RPL31: variants seen among roughly 807,000 people sequenced by gnomAD.
RPL31 encodes the protein ribosomal protein L31.
For missense variants in RPL31, 95 were observed against 164.0 expected, an observed-to-expected ratio of 0.58 and a Z score of 2.30; for synonymous variants, 51 against 55.0, an observed-to-expected ratio of 0.93 and a Z score of 0.32.
downstream of RPL31, chr2:101,010,879 CT>C (rs1354796197): frequency 2.2e-6 from 3 of 1,358,636 alleles, no homozygotes; most frequent in African/African-American, 4.6e-5. Flanking sequence ...GAGACTCCAT[CT>C]CAAAAAAAAA....
downstream of RPL31, among the ~76,000 whole-genome samples, chr2:101,008,603 T>C (rs972788632): frequency 2.7e-5 from 4 of 150,818 alleles, no homozygotes; most frequent in Admixed American, 2.6e-4. Flanking sequence ...TCACCTGAGG[T>C]TGGGAGTCAG....
At chr2:101,010,922 T>A (rs1679162649), downstream of RPL31, 1 of 1,606,664 alleles carries the variant, frequency 6.2e-7, no homozygotes, top group African/African-American at 1.3e-5. Flanking sequence ...CTGAAGAAAG[T>A]CCATACCTGG....
downstream of RPL31, among the ~76,000 whole-genome samples, chr2:101,009,677 T>G (rs1679042553): frequency 6.6e-6 from 1 of 151,982 alleles, no homozygotes. Context: ...GAGCAGCATT[T>G]CTCAAACATG....
At position 101,006,527 on chromosome 2, in the gene RPL31, C is replaced by T; in HGVS notation, c.*146C>T. The T allele has an allele frequency of 2.7e-6, 2 of 733,938 alleles. No homozygotes were observed. Among genetic ancestry groups the T allele is most frequent in the Non-Finnish European group, 4.2e-6 (2 of 472,626 alleles). The allele number at this position is 733,938 out of a possible 1,614,324, so 45.5% of individuals were successfully genotyped here. A position where few individuals can be genotyped will look rare whatever the true frequency, so the allele number is the denominator to read the frequency against. ...CCAAATTGATGGCCTGTGCTGCCTTCTCCCCATCCCCTGGGGTTTTAAAGT... is the reference window on the plus strand; with the variant it reads ...CCAAATTGATGGCCTGTGCTGCCTTTTCCCCATCCCCTGGGGTTTTAAAGT... On this transcript the variant is annotated 3_prime_UTR_variant, in exon 5 of 5. Coordinates refer to ENST00000264258, the MANE Select transcript of RPL31 (RefSeq NM_000993.5).
chr2:101,003,357 G>T (rs1357405160), intron 2 of RPL31, among the ~76,000 whole-genome samples: 1 of 152,080 alleles, frequency 6.6e-6, no homozygotes, highest in Non-Finnish European at 1.5e-5. Flanking sequence ...TCTGTCTCCA[G>T]CCTGGAATGC....
rs1469926042 is a variant in RPL31 at position 101,006,599 on chromosome 2, G to A, written c.*218G>A. The A allele has an allele frequency of 2.2e-5, 10 of 458,884 alleles. No homozygotes were observed. The highest frequency in any genetic ancestry group is 5.5e-4 in the Middle Eastern group (1 of 1,830). 28.4% of individuals were successfully genotyped at this position (458,884 alleles called of 1,614,324 possible). ...TTTAGAACCACTGTTCTGGGTAGTTGGGATACTGAAGGCATATTGTTAATT... is the reference window on the plus strand; with the variant it reads ...TTTAGAACCACTGTTCTGGGTAGTTAGGATACTGAAGGCATATTGTTAATT... On this transcript the variant is annotated 3_prime_UTR_variant, in exon 5 of 5. Transcript: ENST00000264258.
chr2:101,006,125 C>T, intron 4 of RPL31, 54 bp downstream of exon 4: 3 of 1,585,624 alleles, frequency 1.9e-6, no homozygotes, highest in Non-Finnish European at 2.6e-6. Flanking sequence ...ATGTCCTTAC[C>T]TCTTAAAATG....
At position 101,004,220 on chromosome 2, in the gene RPL31, T is replaced by C; in HGVS notation, c.170T>C (p.Met57Thr). 1 of 1,614,060 alleles carries C rather than the reference T, an allele frequency of 6.2e-7. No homozygotes were observed. The highest frequency in any genetic ancestry group is 1.3e-5 in the African/African-American group (1 of 75,006). The change falls in exon 3 of 5, where the codon ATG becomes ACG. Residue 57 changes from methionine (M) to threonine (T), a missense_variant. Transcript: ENST00000264258. Reference sequence around the variant, plus strand: ...ATTCGGAAATTTGCCATGAAGGAGATGGGAACTCCAGATGTGCGCATTGAC... The same window carrying C: ...ATTCGGAAATTTGCCATGAAGGAGACGGGAACTCCAGATGTGCGCATTGAC... ...KEIRKFAMKE[M>T]GTPDVRIDTR... is the part of the protein sequence containing the mutation.
At position 101,004,144 on chromosome 2, in the gene RPL31, T is replaced by A; in HGVS notation, c.108-14T>A. On this transcript the variant is annotated splice_polypyrimidine_tract_variant and intron_variant, in intron 2 of 4. Coordinates refer to ENST00000264258, the MANE Select transcript of RPL31 (RefSeq NM_000993.5). Reference sequence around the variant, plus strand: ...TGTGCTCCTTTAATTTGTTCACTTATGTTTGAATCGTAGGGGCTTCAAGAA... The same window carrying A: ...TGTGCTCCTTTAATTTGTTCACTTAAGTTTGAATCGTAGGGGCTTCAAGAA... 1 of 1,612,426 alleles carries A rather than the reference T, an allele frequency of 6.2e-7. No individual in the cohort carries two copies. Among genetic ancestry groups the A allele is most frequent in the African/African-American group, 1.3e-5 (1 of 74,916 alleles).
chr2:101,018,483 A>G (rs1460034402), intron 4 of RPL31, among the ~76,000 whole-genome samples: 1 of 152,214 alleles, frequency 6.6e-6, no homozygotes, highest in African/African-American at 2.4e-5. Context: ...GTACTTGGTT[A>G]TGTATAAGAC....
downstream of RPL31, chr2:101,008,301 A>T (rs761708549): frequency 1.0e-5 from 15 of 1,485,844 alleles, no homozygotes; most frequent in Non-Finnish European, 1.3e-5. Context: ...CTTAGGTAGC[A>T]GCAGAACCAG....
At chr2:101,017,825 A>G (rs1489096784) in intron 4 of RPL31, 14 of 1,549,594 alleles carry the variant, frequency 9.0e-6, no homozygotes, top group Non-Finnish European at 1.2e-5. Flanking sequence ...TACTAATACT[A>G]ACAGTGAAGC....
rs572148414 is a variant in RPL31, at chr2:101,013,057, A to C, written c.347-5941A>C. Among the ~76,000 whole-genome samples the C allele has an allele frequency of 1.2e-4, 18 of 152,322 alleles. No homozygotes were observed. In the East Asian group the frequency reaches 3.3e-3, roughly 28 times the overall value. ...ACCACAAAGTAGAAATGTGTATACA[A>C]GTCACCAACAAAATGTGATGGGAGC... On this transcript the variant is annotated intron_variant, in intron 4 of 4. Transcript: ENST00000409028.
rs190409625 is a variant in RPL31 at position 101,014,629 on chromosome 2, C to A, written c.347-4369C>A. ...CCTGGTGAGCCTTCTTCCCCTATGC[C>A]GTTTGGGCCATTCCCATTATTAGTT... On this transcript the variant is annotated intron_variant, in intron 4 of 4. Transcript: ENST00000409028. 3.9e-5 allele frequency among the ~76,000 whole-genome samples: 6 copies of A among 152,306 alleles called. No individual in the cohort carries two copies. The South Asian group carries it at 8.3e-4, about 21-fold the overall frequency.
chr2:101,014,444 T>C (rs927959224), intron 4 of RPL31, among the ~76,000 whole-genome samples: 1 of 152,236 alleles, frequency 6.6e-6, no homozygotes. Flanking sequence ...CCATTTTTTG[T>C]GCCCTGTGAG....
intron 3 of RPL31, chr2:101,004,917 G>A (rs1452090544): frequency 1.3e-5 from 2 of 152,466 alleles, no homozygotes; most frequent in Non-Finnish European, 2.9e-5. Flanking sequence ...CAGAACAGAA[G>A]TGGAGTGAGG....
At chr2:101,007,886 A>G, downstream of RPL31, 1 of 1,613,984 alleles carries the variant, frequency 6.2e-7, no homozygotes, top group Non-Finnish European at 8.5e-7. Context: ...TTGAGATTGT[A>G]CTGATTGATC....
chr2:101,013,938 C>T (rs1558618837), intron 4 of RPL31, among the ~76,000 whole-genome samples: 1 of 152,254 alleles, frequency 6.6e-6, no homozygotes, highest in African/African-American at 2.4e-5. Flanking sequence ...CAAATTATAG[C>T]AGCGAGGCCC....
intron 4 of RPL31, among the ~76,000 whole-genome samples, chr2:101,012,577 C>A (rs7609263): frequency 0.6 from 90,769 of 150,728 alleles, 27,927 homozygotes; most frequent in Middle Eastern, 0.77. Context: ...CAGGGTGATG[C>A]AATGGTCTAA....
Sources: allele counts gnomAD v4.1 joint callset (sites outside exome capture counted in the v4.1 genomes callset), GRCh38; gene constraint gnomAD v4.1.1; transcripts MANE v1.5; gene names NCBI Gene and HGNC (gene_info 2026-07-23, HGNC 2026-07-21).